Variants in CA10 observed in about 807,000 individuals in gnomAD.
CA10 encodes carbonic anhydrase 10 (inactive).
Under a neutral mutation model 44.2 loss-of-function variants are expected in CA10, and 14 were observed. That is an observed-to-expected ratio of 0.32 (90% confidence interval 0.21 to 0.50). The LOEUF is 0.50. Ranked by LOEUF, CA10 falls within the 20% of genes least tolerant of loss-of-function variation. The pLI is 0.99. For missense variants in CA10, 350 were observed against 409.7 expected (o/e 0.85, Z 1.26); for synonymous variants, 159 against 141.6 (o/e 1.12, Z -0.87).
chr17:52,016,456 A>G (rs878879297), intron 2 of CA10, among the ~76,000 whole-genome samples: 1 of 152,080 alleles, frequency 6.6e-6, no homozygotes, highest in East Asian at 1.9e-4. Context: ...TTTGCTTTGG[A>G]TGTTTCTCCT....
At chr17:51,913,393 T>C (rs1055419818) in intron 3 of CA10, among the ~76,000 whole-genome samples, 1 of 152,068 alleles carries the variant, frequency 6.6e-6, no homozygotes, top group Admixed American at 6.6e-5. Context: ...AGTCTCTGAG[T>C]CTCACCTGGT....
intron 2 of CA10, among the ~76,000 whole-genome samples, chr17:51,951,836 C>T (rs1450249484): frequency 6.6e-6 from 1 of 152,106 alleles, no homozygotes; most frequent in East Asian, 1.9e-4. Context: ...GGAGGGAGAA[C>T]CTAAGTGGTG....
At chr17:51,723,740 C>A (rs1313435824) in intron 4 of CA10, among the ~76,000 whole-genome samples, 1 of 152,212 alleles carries the variant, frequency 6.6e-6, no homozygotes, top group African/African-American at 2.4e-5. Context: ...AATCAGAATC[C>A]TTCATGTCTG....
At chr17:52,053,662 G>C (rs1987140530) in intron 2 of CA10, among the ~76,000 whole-genome samples, 1 of 152,072 alleles carries the variant, frequency 6.6e-6, no homozygotes, top group Non-Finnish European at 1.5e-5. Flanking sequence ...AAAAGGCAGA[G>C]ATAGAAATTG....
At chr17:51,993,117 A>C (rs533633949) in intron 2 of CA10, among the ~76,000 whole-genome samples, 52 of 152,214 alleles carry the variant, frequency 3.4e-4, no homozygotes, top group African/African-American at 1.2e-3. Context: ...GCACTGATGC[A>C]TTGGGTCCAG....
At chr17:52,065,774 C>T (rs774570431) in intron 2 of CA10, among the ~76,000 whole-genome samples, 7 of 152,196 alleles carry the variant, frequency 4.6e-5, no homozygotes, top group Non-Finnish European at 7.3e-5. Flanking sequence ...ACATTCTCTT[C>T]CAAGCTTCCA....
chr17:51,728,564 C>G (rs140405375), intron 4 of CA10, among the ~76,000 whole-genome samples: 11 of 152,272 alleles, frequency 7.2e-5, no homozygotes, highest in Admixed American at 2.0e-4. Context: ...GTCTGATGCT[C>G]TCTTACAATT....
At chr17:51,784,941 T>C (rs1457683376) in intron 3 of CA10, among the ~76,000 whole-genome samples, 2 of 152,218 alleles carry the variant, frequency 1.3e-5, no homozygotes, top group African/African-American at 2.4e-5. Context: ...GCTTCCCAGC[T>C]TTGGAAAATG....
At chr17:52,096,370 G>T (rs1160816314) in intron 1 of CA10, among the ~76,000 whole-genome samples, 1 of 152,108 alleles carries the variant, frequency 6.6e-6, no homozygotes, top group African/African-American at 2.4e-5. Context: ...AGGCTTGGCT[G>T]GATAATGACC....
At chr17:51,992,677 C>G (rs979790413) in intron 2 of CA10, among the ~76,000 whole-genome samples, 1 of 152,034 alleles carries the variant, frequency 6.6e-6, no homozygotes, top group African/African-American at 2.4e-5. Flanking sequence ...TTTCAAGGGG[C>G]CCTGATCACC....
At chr17:51,735,579 T>C (rs192896245) in intron 4 of CA10, among the ~76,000 whole-genome samples, 102 of 152,094 alleles carry the variant, frequency 6.7e-4, no homozygotes, top group African/African-American at 2.4e-3. Flanking sequence ...GAACCACAGA[T>C]GATGCAGCTT....
intron 4 of CA10, among the ~76,000 whole-genome samples, chr17:51,668,157 A>C: frequency 6.6e-6 from 1 of 152,156 alleles, no homozygotes; most frequent in Non-Finnish European, 1.5e-5. Flanking sequence ...AAAGGTCTTT[A>C]TCCCTTGGGT....
At chr17:52,152,883 TGA>T (rs933921904) in intron 1 of CA10, among the ~76,000 whole-genome samples, 1 of 152,138 alleles carries the variant, frequency 6.6e-6, no homozygotes, top group Non-Finnish European at 1.5e-5. Flanking sequence ...ATTGAGATTC[TGA>T]GAGGTAAAGA....
intron 1 of CA10, among the ~76,000 whole-genome samples, chr17:52,151,602 C>T (rs931051094): frequency 3.9e-5 from 6 of 152,034 alleles, no homozygotes; most frequent in African/African-American, 9.7e-5. Context: ...GCTGTCGATA[C>T]GTCTTTGTTG....
intron 4 of CA10, among the ~76,000 whole-genome samples, chr17:51,664,511 C>T (rs774380722): frequency 6.7e-6 from 1 of 148,684 alleles, no homozygotes; most frequent in Non-Finnish European, 1.5e-5. Flanking sequence ...ACCAAATTAA[C>T]ATCCATTTTA....
intron 2 of CA10, among the ~76,000 whole-genome samples, chr17:51,963,963 T>C (rs1216691271): frequency 2.0e-5 from 3 of 152,074 alleles, no homozygotes; most frequent in African/African-American, 4.8e-5. Context: ...TTAAAAGGCA[T>C]AGAGTTGCTA....
At chr17:52,154,357 T>C (rs1279419398) in intron 1 of CA10, among the ~76,000 whole-genome samples, 1 of 152,218 alleles carries the variant, frequency 6.6e-6, no homozygotes, top group Non-Finnish European at 1.5e-5. Flanking sequence ...ATATGTGCAA[T>C]ATATGTACAA....
At chr17:51,728,659 C>T (rs750419852) in intron 4 of CA10, among the ~76,000 whole-genome samples, 12 of 152,172 alleles carry the variant, frequency 7.9e-5, no homozygotes, top group Non-Finnish European at 1.0e-4. Context: ...ATCCACAAGA[C>T]GTCCCTGGTG....
At chr17:51,659,446 A>C (rs574748034) in intron 4 of CA10, among the ~76,000 whole-genome samples, 6 of 152,280 alleles carry the variant, frequency 3.9e-5, no homozygotes, top group African/African-American at 1.4e-4. Flanking sequence ...TCCCACAATA[A>C]ATCTCCTCTT....
Sources: gnomAD v4.1 joint callset for allele counts (sites outside exome capture counted in the v4.1 genomes callset) on GRCh38, gnomAD v4.1.1 for gene constraint, MANE v1.5 for transcripts, NCBI Gene and HGNC (gene_info 2026-07-23, HGNC 2026-07-21) for gene names.